Variants in ADAM22 observed in about 807,000 individuals in gnomAD.
The protein encoded by ADAM22 is ADAM metallopeptidase domain 22.
A neutral mutation model predicts 144.6 loss-of-function variants in ADAM22; 65 were observed. The observed-to-expected ratio is 0.45, with a 90% CI of 0.37 to 0.55. ADAM22 has a LOEUF of 0.55. ADAM22 is among the 20% of genes least tolerant of loss of function. The pLI, the probability that ADAM22 is intolerant of heterozygous loss-of-function variation, is 0.00. For synonymous variants in ADAM22, 391 were observed against 412.6 expected (o/e 0.95, Z 0.63); for missense variants, 974 against 1,184.9 (o/e 0.82, Z 2.61).
intron 2 of ADAM22, among the ~76,000 whole-genome samples, chr7:87,961,295 C>T (rs1324171916): frequency 4.6e-5 from 7 of 152,184 alleles, no homozygotes; most frequent in Middle Eastern, 3.4e-3. Flanking sequence ...AAGATGACTG[C>T]TCCAAAGAAG....
intron 3 of ADAM22, among the ~76,000 whole-genome samples, chr7:88,027,302 T>C (rs1185206980): frequency 1.3e-5 from 2 of 152,200 alleles, no homozygotes; most frequent in Non-Finnish European, 2.9e-5. Flanking sequence ...TTCCGTAAGA[T>C]TGGTGTTAGT....
intron 26 of ADAM22, among the ~76,000 whole-genome samples, chr7:88,173,293 G>A (rs1844801877): frequency 6.6e-6 from 1 of 151,840 alleles, no homozygotes; most frequent in Admixed American, 6.6e-5. Flanking sequence ...TCATTGATCT[G>A]GCTACTCTTT....
chr7:88,094,592 G>C (rs533141487), intron 4 of ADAM22, among the ~76,000 whole-genome samples: 1 of 152,280 alleles, frequency 6.6e-6, no homozygotes, highest in African/African-American at 2.4e-5. Context: ...TTCCTACATT[G>C]GTCACTTTTT....
chr7:87,956,752 C>T (rs1282351504), intron 2 of ADAM22, among the ~76,000 whole-genome samples: 1 of 152,152 alleles, frequency 6.6e-6, no homozygotes, highest in Non-Finnish European at 1.5e-5. Flanking sequence ...TTTCCAGTTT[C>T]ATTCATGTTG....
intron 2 of ADAM22, among the ~76,000 whole-genome samples, chr7:87,976,827 A>G (rs1357365044): frequency 1.3e-5 from 2 of 151,114 alleles, no homozygotes; most frequent in African/African-American, 4.9e-5. Context: ...GGGGAAGGTG[A>G]TTATGGAAGA....
intron 2 of ADAM22, among the ~76,000 whole-genome samples, chr7:87,969,471 A>G (rs1849920581): frequency 6.6e-6 from 1 of 152,192 alleles, no homozygotes; most frequent in Non-Finnish European, 1.5e-5. Context: ...TGTGACTGTG[A>G]GTTTCCTGAG....
At chr7:88,116,143 T>C (rs1827701694) in intron 6 of ADAM22, among the ~76,000 whole-genome samples, 1 of 152,206 alleles carries the variant, frequency 6.6e-6, no homozygotes, top group Non-Finnish European at 1.5e-5. Flanking sequence ...TTTAAGATAA[T>C]ATGAAACCGG....
chr7:87,982,268 A>G (rs1456124579), intron 3 of ADAM22, among the ~76,000 whole-genome samples: 1 of 152,034 alleles, frequency 6.6e-6, no homozygotes, highest in Non-Finnish European at 1.5e-5. Context: ...GTAATTTCAG[A>G]GAGTGACAGT....
chr7:88,186,516 C>A, intron 29 of ADAM22, 99 bp from the exon 30 acceptor site: 1 of 812,502 alleles, frequency 1.2e-6, no homozygotes, highest in Non-Finnish European at 2.2e-6. Flanking sequence ...TGGTCACTTG[C>A]ATTTGGAGGG....
rs1459962257 is a variant in ADAM22 at position 87,977,749 on chromosome 7, T to C, written c.247-587T>C. Among the ~76,000 whole-genome samples the C allele has an allele frequency of 2.0e-5, 3 of 152,158 alleles. No homozygotes were observed. In the East Asian group the frequency reaches 5.8e-4, roughly 29 times the overall value. ...TAGGAAATAGTGAATTTTTTTTTTC[T>C]AACACAAGAACATTTTGATAGGTGA... On this transcript the variant is annotated intron_variant, in intron 2 of 31. Transcript: ENST00000413139.
At chr7:88,047,601 T>C (rs1379222504) in intron 3 of ADAM22, among the ~76,000 whole-genome samples, 1 of 152,222 alleles carries the variant, frequency 6.6e-6, no homozygotes, top group African/African-American at 2.4e-5. Context: ...TGGATTTTTT[T>C]GTCTTTTATT....
chr7:87,991,903 G>A (rs780591808), intron 3 of ADAM22, among the ~76,000 whole-genome samples: 9 of 152,210 alleles, frequency 5.9e-5, no homozygotes, highest in African/African-American at 1.2e-4. Context: ...CTCTTCCCAA[G>A]ATTGAAACAC....
At chr7:88,010,213 A>G (rs184346447) in intron 3 of ADAM22, among the ~76,000 whole-genome samples, 18 of 152,326 alleles carry the variant, frequency 1.2e-4, no homozygotes, top group Non-Finnish European at 1.6e-4. Context: ...AACACTGGCT[A>G]TAAGGTGCCA....
chr7:87,997,552 A>G lies in ADAM22; in HGVS notation c.323+19140A>G, dbSNP rs139858707. Among the ~76,000 whole-genome samples the G allele has an allele frequency of 1.3e-4, 20 of 152,350 alleles. No homozygotes were observed. The East Asian group carries it at 3.5e-3, about 26-fold the overall frequency. On this transcript the variant is annotated intron_variant, in intron 3 of 31. Coordinates refer to ENST00000413139, the MANE Select transcript of ADAM22 (RefSeq NM_001324418.2). Reference sequence around the variant, plus strand: ...CAAGCCTTTTTAGGTTGTTGGCACAATTCAGTTCCTTGAGATTATAGCTGA... The same window carrying G: ...CAAGCCTTTTTAGGTTGTTGGCACAGTTCAGTTCCTTGAGATTATAGCTGA...
intron 4 of ADAM22, among the ~76,000 whole-genome samples, chr7:88,105,570 G>A (rs545141624): frequency 7.2e-5 from 11 of 152,212 alleles, no homozygotes; most frequent in African/African-American, 2.6e-4. Flanking sequence ...TTTACTCTTA[G>A]CCCTGATGAC....
chr7:87,968,047 C>T (rs997607486), intron 2 of ADAM22, among the ~76,000 whole-genome samples: 7 of 152,110 alleles, frequency 4.6e-5, no homozygotes, highest in Admixed American at 1.3e-4. Context: ...TAAGAACATA[C>T]ATTTTACTTT....
At chr7:88,066,312 T>G (rs1811227203) in intron 3 of ADAM22, among the ~76,000 whole-genome samples, 1 of 152,128 alleles carries the variant, frequency 6.6e-6, no homozygotes. Flanking sequence ...AATTTTCTTA[T>G]CAGTTCCATA....
At chr7:88,188,561 ATAATT>A (rs1848867264) in intron 30 of ADAM22, among the ~76,000 whole-genome samples, 1 of 152,236 alleles carries the variant, frequency 6.6e-6, no homozygotes, top group African/African-American at 2.4e-5. Flanking sequence ...GTGGACAGTT[ATAATT>A]TAATTGACAT....
intron 3 of ADAM22, among the ~76,000 whole-genome samples, chr7:88,059,768 A>G (rs1447174926): frequency 1.3e-5 from 2 of 152,270 alleles, no homozygotes; most frequent in African/African-American, 2.4e-5. Flanking sequence ...AGAAACAAAA[A>G]AAGAAATACT....
Sources: gnomAD v4.1 joint callset for allele counts (sites outside exome capture counted in the v4.1 genomes callset) on GRCh38, gnomAD v4.1.1 for gene constraint, MANE v1.5 for transcripts, NCBI Gene and HGNC (gene_info 2026-07-23, HGNC 2026-07-21) for gene names.